Variants in CIMAP2 observed in about 807,000 individuals in gnomAD.
CIMAP2 encodes ciliary microtubule associated protein 2.
chr1:54,811,765 G>GCCGGGGGGGGGGGGCCCCCCCCCCCCCC, the CIMAP2 span: 17 of 1,301,304 alleles, frequency 1.3e-5, no homozygotes, highest in Non-Finnish European at 1.8e-5. Context: ...GGTTCTGACA[G>GCCGGGGGGGGGGGGCCCCCCCCCCCCCC]CCTCCATGCC....
the CIMAP2 span, among the ~76,000 whole-genome samples, chr1:54,822,382 G>GTTT: frequency 7.0e-6 from 1 of 142,694 alleles, no homozygotes; most frequent in Non-Finnish European, 1.5e-5. Flanking sequence ...CTTTGTATTG[G>GTTT]TTTTTTTTTT....
the CIMAP2 span, chr1:54,813,703 G>A: frequency 8.0e-7 from 1 of 1,257,074 alleles, no homozygotes; most frequent in Admixed American, 2.8e-5. Context: ...TGTCTGCACA[G>A]CAGGATAGTA....
the CIMAP2 span, chr1:54,807,047 T>C: frequency 1.2e-6 from 2 of 1,614,160 alleles, no homozygotes; most frequent in South Asian, 1.1e-5. Context: ...GCACCTTCAC[T>C]GAGGCCCCAT....
chr1:54,806,983 C>T, the CIMAP2 span: 108 of 1,610,114 alleles, frequency 6.7e-5, no homozygotes, highest in Admixed American at 5.3e-4. Flanking sequence ...ACTGGGCCAC[C>T]GTCCCTCCCT....
chr1:54,842,020 C>A, the CIMAP2 span: 157,743 of 788,410 alleles, frequency 0.2, 17,477 homozygotes, highest in East Asian at 0.43. Flanking sequence ...TGGGGATCAC[C>A]TTTGCCAGAG....
At chr1:54,811,765 G>GCCGGGGGGGGGGGGGGGCGCCCCCCCCC in the CIMAP2 span, 1 of 1,301,330 alleles carries the variant, frequency 7.7e-7, no homozygotes, top group Non-Finnish European at 1.1e-6. Context: ...GGTTCTGACA[G>GCCGGGGGGGGGGGGGGGCGCCCCCCCCC]CCTCCATGCC....
the CIMAP2 span, among the ~76,000 whole-genome samples, chr1:54,809,929 C>T: frequency 6.6e-6 from 1 of 151,816 alleles, no homozygotes; most frequent in South Asian, 2.1e-4. Flanking sequence ...TTCATTTCCA[C>T]ACTCCCCCTC....
the CIMAP2 span, chr1:54,806,246 C>T: frequency 2.7e-6 from 4 of 1,495,360 alleles, no homozygotes; most frequent in East Asian, 5.3e-5. Context: ...GTCCTGGGCT[C>T]ACGCCCACGG....
At chr1:54,815,131 T>C in the CIMAP2 span, 2 of 1,541,750 alleles carry the variant, frequency 1.3e-6, no homozygotes, top group South Asian at 1.2e-5. Context: ...AACCGATGCT[T>C]TGAGTGAGCC....
chr1:54,810,732 C>T, the CIMAP2 span, among the ~76,000 whole-genome samples: 1 of 152,184 alleles, frequency 6.6e-6, no homozygotes, highest in African/African-American at 2.4e-5. Context: ...TTTCACTCTG[C>T]CTACAAAATC....
chr1:54,807,834 C>T, the CIMAP2 span: 4 of 1,526,146 alleles, frequency 2.6e-6, no homozygotes, highest in Non-Finnish European at 3.5e-6. Flanking sequence ...GGGCTTCTTC[C>T]TGCGTGGATT....
At chr1:54,813,638 C>T in the CIMAP2 span, among the ~76,000 whole-genome samples, 96 of 148,912 alleles carry the variant, frequency 6.4e-4, 1 homozygote, top group African/African-American at 2.3e-3. Flanking sequence ...CTGTCTGTTT[C>T]CACCAGCCCT....
chr1:54,809,463 T>C, the CIMAP2 span, among the ~76,000 whole-genome samples: 1 of 152,214 alleles, frequency 6.6e-6, no homozygotes, highest in Non-Finnish European at 1.5e-5. Context: ...ATAGTGGACA[T>C]GTAGCATAGC....
chr1:54,817,580 C>T, the CIMAP2 span, among the ~76,000 whole-genome samples: 1 of 152,264 alleles, frequency 6.6e-6, no homozygotes, highest in East Asian at 1.9e-4. Context: ...GGGAAAGGTA[C>T]ATTAAATACT....
At chr1:54,807,306 G>C in the CIMAP2 span, among the ~76,000 whole-genome samples, 31 of 152,216 alleles carry the variant, frequency 2.0e-4, no homozygotes, top group African/African-American at 7.5e-4. Context: ...TGAAGGAGTT[G>C]TTATACCTTC....
the CIMAP2 span, chr1:54,817,225 C>G: frequency 1.4e-6 from 2 of 1,464,294 alleles, no homozygotes; most frequent in South Asian, 2.5e-5. Context: ...GGGAACACAG[C>G]TTCTGCCCCT....
chr1:54,825,415 C>G, the CIMAP2 span, among the ~76,000 whole-genome samples: 1 of 152,062 alleles, frequency 6.6e-6, no homozygotes, highest in Admixed American at 6.6e-5. Context: ...GGCTTTGATT[C>G]TGGGTGGATG....
At chr1:54,808,411 T>G in the CIMAP2 span, among the ~76,000 whole-genome samples, 1 of 152,010 alleles carries the variant, frequency 6.6e-6, no homozygotes, top group South Asian at 2.1e-4. Flanking sequence ...GGTACAGCAT[T>G]CCAGGCATTG....
the CIMAP2 span, chr1:54,811,768 T>TGGGGGGGGGGGCCCCCCCCCC: frequency 1.9e-6 from 1 of 533,354 alleles, no homozygotes; most frequent in Non-Finnish European, 3.7e-6. Flanking sequence ...TCTGACAGCC[T>TGGGGGGGGGGGCCCCCCCCCC]CCATGCCCCC....
Sources: gnomAD v4.1 joint callset for allele counts (sites outside exome capture counted in the v4.1 genomes callset) on GRCh38, gnomAD v4.1.1 for gene constraint, MANE v1.5 for transcripts, NCBI Gene and HGNC (gene_info 2026-07-23, HGNC 2026-07-21) for gene names.